The following NEMP2 variants were observed in gnomAD, a reference collection of about 807,000 sequenced individuals.
NEMP2 encodes the protein nuclear envelope integral membrane protein 2, also known as UPF0571 transmembrane protein.
A neutral mutation model predicts 54.2 loss-of-function variants in NEMP2; 53 were observed. The ratio of observed to expected loss-of-function variants is 0.98; its 90% CI spans 0.78 to 1.23. The LOEUF is 1.23. Ranked by LOEUF, NEMP2 falls within the 50% of genes most tolerant of loss-of-function variation. The pLI is 0.00. For synonymous variants in NEMP2, 197 were observed against 190.3 expected (o/e 1.04, Z -0.29); for missense variants, 455 against 511.3 (o/e 0.89, Z 1.06).
the NEMP2 span, among the ~76,000 whole-genome samples, chr2:190,599,681 A>C: frequency 0.013 from 2,009 of 152,222 alleles, 25 homozygotes; most frequent in Non-Finnish European, 0.02. Flanking sequence ...TTATGTAAAA[A>C]TTTCCAAATG....
the NEMP2 span, among the ~76,000 whole-genome samples, chr2:190,495,966 G>C: frequency 6.6e-6 from 1 of 152,076 alleles, no homozygotes; most frequent in Non-Finnish European, 1.5e-5. The surrounding 1 kb of genome is among the most constrained non-coding windows in gnomAD (Gnocchi z 4.7). Flanking sequence ...AAAAGCAAAT[G>C]CAACAAAAAC....
At chr2:190,435,584 C>T in the NEMP2 span, among the ~76,000 whole-genome samples, 1 of 152,154 alleles carries the variant, frequency 6.6e-6, no homozygotes, top group Non-Finnish European at 1.5e-5. Context: ...CTAAAGAATC[C>T]TAGACTTCAT....
chr2:190,562,683 T>C, the NEMP2 span, among the ~76,000 whole-genome samples: 1,296 of 152,222 alleles, frequency 8.5e-3, 65 homozygotes, highest in Admixed American at 0.076. This position sits in a 1 kb window ranked among gnomAD's most constrained non-coding sequence, Gnocchi z 5.0. Flanking sequence ...CCTAACTTTA[T>C]ATAAATCTAT....
chr2:190,477,247 T>C, the NEMP2 span: 14 of 983,332 alleles, frequency 1.4e-5, no homozygotes, highest in Non-Finnish European at 1.7e-5. Flanking sequence ...CAGGTAAGAA[T>C]GATTCAATAA....
At chr2:190,483,960 A>G in the NEMP2 span, among the ~76,000 whole-genome samples, 4 of 152,096 alleles carry the variant, frequency 2.6e-5, no homozygotes, top group Non-Finnish European at 5.9e-5. Context: ...TAGTGTGGAT[A>G]TATCTCTTGA....
chr2:190,591,291 T>G, the NEMP2 span, among the ~76,000 whole-genome samples: 1 of 152,154 alleles, frequency 6.6e-6, no homozygotes, highest in Non-Finnish European at 1.5e-5. The surrounding 1 kb of genome is among the most constrained non-coding windows in gnomAD (Gnocchi z 5.4). Context: ...CAGTAAAGAT[T>G]GTCTGCAGCT....
chr2:190,469,870 G>T, the NEMP2 span: 1 of 1,552,672 alleles, frequency 6.4e-7, no homozygotes, highest in Non-Finnish European at 8.8e-7. The surrounding 1 kb of genome is among the most constrained non-coding windows in gnomAD (Gnocchi z 5.3). Flanking sequence ...GTTAACAGCT[G>T]GGATTGAAAT....
chr2:190,444,711 CA>C, the NEMP2 span: 1 of 160,920 alleles, frequency 6.2e-6, no homozygotes, highest in African/African-American at 2.4e-5. Flanking sequence ...ATCAGTCCAA[CA>C]TTTCTACAGG....
chr2:190,432,074 A>T, the NEMP2 span, among the ~76,000 whole-genome samples: 4 of 152,276 alleles, frequency 2.6e-5, no homozygotes, highest in African/African-American at 9.6e-5. Context: ...AATGTCTTAT[A>T]ATCCTTGGTA....
intron 1 of NEMP2, 42 bp downstream of exon 1, chr2:190,534,517 C>A: frequency 7.3e-7 from 1 of 1,361,516 alleles, no homozygotes. Flanking sequence ...AGCCGGGGAG[C>A]GAGCACGCAC....
At chr2:190,642,692 G>GT in the NEMP2 span, among the ~76,000 whole-genome samples, 1 of 152,066 alleles carries the variant, frequency 6.6e-6, no homozygotes, top group Admixed American at 6.5e-5. The surrounding 1 kb of genome is among the most constrained non-coding windows in gnomAD (Gnocchi z 4.1). Flanking sequence ...ACATGACTCA[G>GT]TTAATTGTAG....
At chr2:190,568,473 TTATATA>T in the NEMP2 span, among the ~76,000 whole-genome samples, 1 of 152,046 alleles carries the variant, frequency 6.6e-6, no homozygotes, top group Non-Finnish European at 1.5e-5. This position sits in a 1 kb window ranked among gnomAD's most constrained non-coding sequence, Gnocchi z 4.7. Context: ...CAATATAATC[TTATATA>T]TATATGCCTC....
the NEMP2 span, among the ~76,000 whole-genome samples, chr2:190,450,092 G>T: frequency 6.6e-6 from 1 of 152,118 alleles, no homozygotes; most frequent in Non-Finnish European, 1.5e-5. Flanking sequence ...AGCTCATAAA[G>T]TTTATTACTG....
the NEMP2 span, among the ~76,000 whole-genome samples, chr2:190,582,371 T>A: frequency 6.6e-6 from 1 of 152,148 alleles, no homozygotes; most frequent in East Asian, 1.9e-4. This position sits in a 1 kb window ranked among gnomAD's most constrained non-coding sequence, Gnocchi z 4.6. Context: ...AGCCTACCTA[T>A]AAGAGCGCCG....
upstream of NEMP2, among the ~76,000 whole-genome samples, chr2:190,537,380 T>A (rs1166952911): frequency 6.6e-6 from 1 of 152,190 alleles, no homozygotes; most frequent in African/African-American, 2.4e-5. Flanking sequence ...GGGAGGTAAC[T>A]GAATCATGGG....
chr2:190,497,807 A>G, the NEMP2 span: 2 of 1,429,178 alleles, frequency 1.4e-6, no homozygotes, highest in South Asian at 1.3e-5. This position sits in a 1 kb window ranked among gnomAD's most constrained non-coding sequence, Gnocchi z 5.2. Flanking sequence ...TTTTCATTCA[A>G]CAAGATTTAT....
chr2:190,454,993 T>TA, the NEMP2 span, among the ~76,000 whole-genome samples: 3 of 83,736 alleles, frequency 3.6e-5, no homozygotes, highest in African/African-American at 9.6e-5. This position sits in a 1 kb window ranked among gnomAD's most constrained non-coding sequence, Gnocchi z 4.6. Flanking sequence ...TGTATATGTA[T>TA]ATGTATAATG....
the NEMP2 span, among the ~76,000 whole-genome samples, chr2:190,591,016 A>G: frequency 6.6e-6 from 1 of 152,142 alleles, no homozygotes; most frequent in Non-Finnish European, 1.5e-5. This position sits in a 1 kb window ranked among gnomAD's most constrained non-coding sequence, Gnocchi z 5.4. Flanking sequence ...AGTGTGCCCA[A>G]ACTGACAGTG....
chr2:190,553,729 G>C, the NEMP2 span, among the ~76,000 whole-genome samples: 1 of 148,968 alleles, frequency 6.7e-6, no homozygotes, highest in Non-Finnish European at 1.5e-5. Flanking sequence ...GAACATTTCT[G>C]GTGATTGTGG....
Sources: allele counts gnomAD v4.1 joint callset (sites outside exome capture counted in the v4.1 genomes callset), GRCh38; gene constraint gnomAD v4.1.1; non-coding constraint Gnocchi (gnomAD v3.1); transcripts MANE v1.5; gene names NCBI Gene and HGNC (gene_info 2026-07-23, HGNC 2026-07-21).